The following PMS2 variants were observed in gnomAD, a reference collection of about 807,000 sequenced individuals.
The protein encoded by PMS2 is PMS1 homolog 2, mismatch repair system component.
Under a neutral mutation model 90.0 loss-of-function variants are expected in PMS2, and 69 were observed. That is an observed-to-expected ratio of 0.77 (90% CI 0.63 to 0.94). The LOEUF is 0.94. Ranked by LOEUF, PMS2 falls within the 40% of genes least tolerant of loss-of-function variation. The pLI is 0.00. For missense variants in PMS2, 966 were observed against 1,040.2 expected, an observed-to-expected ratio of 0.93 and a Z score of 0.98; for synonymous variants, 332 against 375.1, an observed-to-expected ratio of 0.89 and a Z score of 1.33.
intron 2 of PMS2, 80 bp downstream of exon 2, chr7:6,005,812 T>G: frequency 1.2e-6 from 2 of 1,600,884 alleles, no homozygotes; most frequent in South Asian, 2.2e-5. Flanking sequence ...CTTGATAGTC[T>G]TATTTCAATA....
intron 6 of PMS2, among the ~76,000 whole-genome samples, chr7:5,998,426 C>T (rs186259206): frequency 6.7e-6 from 1 of 149,012 alleles, no homozygotes; most frequent in East Asian, 2.1e-4. Context: ...GGCGCAGTGG[C>T]TCACGTCTGT....
chr7:5,990,634 T>C (rs971679232), intron 9 of PMS2, among the ~76,000 whole-genome samples: 4 of 152,158 alleles, frequency 2.6e-5, no homozygotes, highest in African/African-American at 9.7e-5. Context: ...AATTGGTACA[T>C]CTAGAACACA....
chr7:5,991,392 GA>G (rs1020539609), intron 9 of PMS2, among the ~76,000 whole-genome samples: 4 of 149,308 alleles, frequency 2.7e-5, no homozygotes, highest in African/African-American at 9.8e-5. Context: ...TTAACAATCA[GA>G]AAAAAAAATC....
At chr7:6,008,909 TC>T (rs1316112151) in intron 1 of PMS2, 87 bp downstream of exon 1, 15 of 1,503,774 alleles carry the variant, frequency 1.0e-5, no homozygotes, top group South Asian at 7.9e-5. Flanking sequence ...TCGGCCATGT[TC>T]CCCCCATTTC....
intron 11 of PMS2, among the ~76,000 whole-genome samples, chr7:5,986,429 C>T (rs1343851474): frequency 6.6e-6 from 1 of 151,872 alleles, no homozygotes; most frequent in East Asian, 2.0e-4. Flanking sequence ...TGGTGGCTCA[C>T]ACCTGTAATC....
At chr7:5,982,773 T>C in intron 12 of PMS2, 51 bp downstream of exon 12, 1 of 1,610,684 alleles carries the variant, frequency 6.2e-7, no homozygotes, top group Non-Finnish European at 8.5e-7. Context: ...TGGCCTCTAT[T>C]AGATCTTCAA....
intron 8 of PMS2, among the ~76,000 whole-genome samples, chr7:5,992,876 G>T (rs1783923931): frequency 6.6e-6 from 1 of 152,142 alleles, no homozygotes; most frequent in African/African-American, 2.4e-5. Context: ...CTAGTGAAAT[G>T]CAAGTGCAGC....
chr7:6,006,782 G>C (rs565340168), intron 1 of PMS2, among the ~76,000 whole-genome samples: 18 of 152,208 alleles, frequency 1.2e-4, no homozygotes, highest in African/African-American at 4.3e-4. Context: ...AGTTGCCTTT[G>C]ATACCCCACT....
At chr7:5,982,177 A>G (rs10235660) in intron 12 of PMS2, among the ~76,000 whole-genome samples, 24,864 of 128,354 alleles carry the variant, frequency 0.19, 1,288 homozygotes, top group African/African-American at 0.34. Flanking sequence ...TGCCATGCCC[A>G]GCTAATTTTT....
intron 4 of PMS2, among the ~76,000 whole-genome samples, chr7:6,002,989 T>C (rs1459685501): frequency 6.6e-6 from 1 of 152,148 alleles, no homozygotes; most frequent in Non-Finnish European, 1.5e-5. Flanking sequence ...CTAACAAATA[T>C]TATAATTAAA....
At chr7:5,977,473 A>AC (rs1781793934) in intron 14 of PMS2, 115 bp downstream of exon 14, 1 of 752,328 alleles carries the variant, frequency 1.3e-6, no homozygotes, top group Non-Finnish European at 2.3e-6. Context: ...GTGTAAAATG[A>AC]CCCCTGGCAA....
At chr7:5,987,673 A>G (rs2128738140) in intron 10 of PMS2, 53 bp from the exon 11 acceptor site, 1 of 1,055,702 alleles carries the variant, frequency 9.5e-7, no homozygotes, top group Admixed American at 1.7e-5. Context: ...AAATGGTGAG[A>G]GGACGTGCTT....
intron 5 of PMS2, among the ~76,000 whole-genome samples, chr7:6,001,654 C>A (rs1785100111): frequency 6.6e-6 from 1 of 152,028 alleles, no homozygotes; most frequent in South Asian, 2.1e-4. Context: ...CAGGTGTGAG[C>A]CACTGTGCCT....
intron 12 of PMS2, among the ~76,000 whole-genome samples, chr7:5,981,435 A>T (rs1228501423): frequency 6.7e-6 from 1 of 149,668 alleles, no homozygotes. Context: ...TTGTAGAGAC[A>T]AGGTTTCACC....
chr7:5,975,953 G>T (rs1289196642), intron 14 of PMS2, among the ~76,000 whole-genome samples: 4 of 136,456 alleles, frequency 2.9e-5, no homozygotes, highest in Non-Finnish European at 6.4e-5. Flanking sequence ...CCAAAACGCT[G>T]TTTTAGGCCA....
intron 12 of PMS2, among the ~76,000 whole-genome samples, chr7:5,981,877 A>C (rs1470963894): frequency 6.6e-6 from 1 of 151,838 alleles, no homozygotes; most frequent in African/African-American, 2.4e-5. Context: ...ATACACATAC[A>C]TTATTTCAAC....
chr7:5,988,796 C>T (rs1372182162), intron 10 of PMS2, among the ~76,000 whole-genome samples: 1 of 152,178 alleles, frequency 6.6e-6, no homozygotes, highest in African/African-American at 2.4e-5. Context: ...CAGAAAAGGA[C>T]AGACTGAATA....
intron 5 of PMS2, 121 bp from the exon 6 acceptor site, chr7:5,999,396 G>A: frequency 1.1e-6 from 1 of 878,084 alleles, no homozygotes; most frequent in Non-Finnish European, 1.9e-6. Flanking sequence ...GGGAAGCACT[G>A]TTGACAGAAT....
intron 5 of PMS2, among the ~76,000 whole-genome samples, chr7:6,000,973 AGAGT>A (rs1234471813): frequency 6.6e-6 from 1 of 152,236 alleles, no homozygotes; most frequent in Non-Finnish European, 1.5e-5. Flanking sequence ...CCTGGGCGAC[AGAGT>A]GAGAAGACTC....
Sources: allele counts gnomAD v4.1 joint callset (sites outside exome capture counted in the v4.1 genomes callset), GRCh38; gene constraint gnomAD v4.1.1; transcripts MANE v1.5; gene names NCBI Gene and HGNC (gene_info 2026-07-23, HGNC 2026-07-21).